The following PIK3CA variants were observed in gnomAD, a reference collection of about 807,000 sequenced individuals.
PIK3CA encodes phosphatidylinositol-4,5-bisphosphate 3-kinase catalytic subunit alpha.
A neutral mutation model predicts 138.2 loss-of-function variants in PIK3CA; 27 were observed. That is an observed-to-expected ratio of 0.20 (90% CI 0.14 to 0.27). PIK3CA has a LOEUF of 0.27. Among genes scored for constraint, PIK3CA ranks in the 10% least tolerant of loss-of-function variants. The probability of loss-of-function intolerance (pLI) is 1.00; values close to 1 mark genes in which losing one functional copy is unlikely to be tolerated. For synonymous variants in PIK3CA, 358 were observed against 413.2 expected (o/e 0.87, Z 1.62); for missense variants, 544 against 1,277.4 (o/e 0.43, Z 8.75).
chr3:179,227,487 A>G (rs2108420856), intron 17 of PIK3CA, among the ~76,000 whole-genome samples: 1 of 152,136 alleles, frequency 6.6e-6, no homozygotes, highest in African/African-American at 2.4e-5. Context: ...AGGAAGTTGG[A>G]GTACTAGAGG....
chr3:179,207,438 T>C (rs1383190052), intron 6 of PIK3CA, among the ~76,000 whole-genome samples: 1 of 152,206 alleles, frequency 6.6e-6, no homozygotes, highest in Non-Finnish European at 1.5e-5. Flanking sequence ...TTGTAGGACA[T>C]AGCTCTCTTA....
At chr3:179,204,476 T>A in intron 5 of PIK3CA, 27 bp from the exon 6 acceptor site, 1 of 1,056,002 alleles carries the variant, frequency 9.5e-7, no homozygotes, top group Non-Finnish European at 1.5e-6. Context: ...GTGTATACAT[T>A]AGTATATACC....
chr3:179,180,183 A>G (rs1723806288), intron 1 of PIK3CA, among the ~76,000 whole-genome samples: 2 of 152,288 alleles, frequency 1.3e-5, no homozygotes, highest in Admixed American at 6.5e-5. Flanking sequence ...ACTGTAGATA[A>G]TGAAGTGGGT....
intron 1 of PIK3CA, among the ~76,000 whole-genome samples, chr3:179,160,834 C>T (rs1166032559): frequency 6.6e-6 from 1 of 151,972 alleles, no homozygotes; most frequent in Admixed American, 6.5e-5. Flanking sequence ...ATCATAGACT[C>T]TGTTTGTTTG....
intron 1 of PIK3CA, among the ~76,000 whole-genome samples, chr3:179,186,975 C>T (rs1723997574): frequency 6.6e-6 from 1 of 152,018 alleles, no homozygotes; most frequent in Non-Finnish European, 1.5e-5. Flanking sequence ...AACTTAAATA[C>T]CTTAGGATTG....
At chr3:179,150,260 C>CT (rs1474238774) in intron 1 of PIK3CA, among the ~76,000 whole-genome samples, 1 of 151,428 alleles carries the variant, frequency 6.6e-6, no homozygotes, top group Non-Finnish European at 1.5e-5. Context: ...AACTTCATAG[C>CT]TTTTTTCAAA....
In PIK3CA at chr3:179,237,431, G is replaced by C. The variant is rs1231108815; in HGVS notation, c.*3067G>C. 1.0e-5 allele frequency: 2 copies of C among 199,230 alleles called. No individual in the cohort carries two copies. Among genetic ancestry groups the C allele is most frequent in the Admixed American group, 6.0e-5 (1 of 16,538 alleles). 12.3% of individuals were successfully genotyped at this position (199,230 alleles called of 1,614,324 possible). A position where few individuals can be genotyped will look rare whatever the true frequency, so the allele number is the denominator to read the frequency against. On this transcript the variant is annotated 3_prime_UTR_variant, in exon 21 of 21. Transcript: ENST00000263967. ...ATAATGAATTGTAAAATATTTTAAT[G>C]TGTAACTTTTTCAACTGTGAAACTG... is the stretch of plus-strand genomic sequence containing the variant.
At chr3:179,159,771 C>T (rs141759534) in intron 1 of PIK3CA, among the ~76,000 whole-genome samples, 1 of 152,050 alleles carries the variant, frequency 6.6e-6, no homozygotes, top group Non-Finnish European at 1.5e-5. Context: ...CAGAGTGTAC[C>T]GACACAAACT....
At chr3:179,192,538 C>T (rs1724160954) in intron 1 of PIK3CA, among the ~76,000 whole-genome samples, 1 of 152,216 alleles carries the variant, frequency 6.6e-6, no homozygotes. Flanking sequence ...GGGATAACTT[C>T]TTAGCCACTG....
At chr3:179,215,123 C>T (rs866023980) in intron 9 of PIK3CA, among the ~76,000 whole-genome samples, 27 of 152,284 alleles carry the variant, frequency 1.8e-4, no homozygotes, top group Middle Eastern at 6.8e-3. Context: ...CATCAAGAGG[C>T]AGCCTGGTAT....
Position 179,201,295 on chromosome 3 carries a change from A to G in PIK3CA, c.568A>G (p.Ile190Val). Residue 190 changes from isoleucine to valine, a missense_variant, in exon 4 of 21, where the codon ATA becomes GTA. This residue lies in a region of PIK3CA where 234 missense variants were observed against 401.3 expected (regional missense o/e 0.58). Transcript: ENST00000263967. ...HIYNKLDKGQ[I>V]IVVIWVIVSP... The stretch of plus-strand genomic sequence containing the variant: ...CTAATGTTTTCCTGTTATAGGGCAA[A>G]TAATAGTGGTGATCTGGGTAATAGT... 1 of 1,611,448 alleles carries G rather than the reference A, an allele frequency of 6.2e-7. No individual in the cohort carries two copies.
chr3:179,150,887 A>G (rs1003833175), intron 1 of PIK3CA, among the ~76,000 whole-genome samples: 8 of 152,240 alleles, frequency 5.3e-5, no homozygotes, highest in African/African-American at 1.9e-4. Context: ...TACGATTACC[A>G]TTTAAAGGGC....
At chr3:179,202,526 TTTG>T (rs1489537272) in intron 4 of PIK3CA, among the ~76,000 whole-genome samples, 1 of 152,190 alleles carries the variant, frequency 6.6e-6, no homozygotes, top group African/African-American at 2.4e-5. Context: ...AGCAACTACG[TTTG>T]TGCCAAGCAT....
At chr3:179,190,127 CTT>C (rs1295932929) in intron 1 of PIK3CA, among the ~76,000 whole-genome samples, 1 of 152,158 alleles carries the variant, frequency 6.6e-6, no homozygotes, top group African/African-American at 2.4e-5. Context: ...CAAATGGTCT[CTT>C]GAGTGCTTTT....
intron 1 of PIK3CA, among the ~76,000 whole-genome samples, chr3:179,194,358 G>A (rs1328409893): frequency 2.0e-5 from 3 of 152,020 alleles, no homozygotes; most frequent in Non-Finnish European, 2.9e-5. Context: ...TGAGTACCTG[G>A]GACCATAGGC....
intron 6 of PIK3CA, among the ~76,000 whole-genome samples, chr3:179,208,448 A>G (rs1560141287): frequency 6.6e-6 from 1 of 152,150 alleles, no homozygotes; most frequent in Non-Finnish European, 1.5e-5. Context: ...ATAGTTATCA[A>G]CCTTATGAGG....
intron 1 of PIK3CA, among the ~76,000 whole-genome samples, chr3:179,177,157 C>T (rs1227308403): frequency 2.6e-5 from 4 of 151,948 alleles, no homozygotes; most frequent in African/African-American, 4.8e-5. Flanking sequence ...AGCCCTTTGT[C>T]GTATGTGTTG....
chr3:179,233,614 C>T (rs914723870), intron 20 of PIK3CA, among the ~76,000 whole-genome samples: 7 of 152,188 alleles, frequency 4.6e-5, no homozygotes, highest in African/African-American at 9.6e-5. Flanking sequence ...GTGCTTAATA[C>T]GACATTTTTT....
chr3:179,224,963 C>G (rs1352565639), intron 16 of PIK3CA, 142 bp downstream of exon 16: 5 of 535,200 alleles, frequency 9.3e-6, no homozygotes, highest in African/African-American at 7.7e-5. Context: ...TATCAGATGT[C>G]TTGACCTTTG....
Sources: gnomAD v4.1 joint callset for allele counts (sites outside exome capture counted in the v4.1 genomes callset) on GRCh38, gnomAD v4.1.1 for gene constraint, gnomAD v4.1.1 regional missense constraint, MANE v1.5 for transcripts, NCBI Gene and HGNC (gene_info 2026-07-23, HGNC 2026-07-21) for gene names.